Variants in PIK3C2G observed in about 807,000 individuals in gnomAD.
The protein encoded by PIK3C2G is phosphatidylinositol-4-phosphate 3-kinase catalytic subunit type 2 gamma.
A neutral mutation model predicts 181.1 loss-of-function variants in PIK3C2G; 168 were observed. The ratio of observed to expected loss-of-function variants is 0.93; its 90% CI spans 0.82 to 1.05. The LOEUF is 1.05. PIK3C2G is among the 50% of genes least tolerant of loss of function. PIK3C2G has a pLI of 0.00. For synonymous variants in PIK3C2G, 573 were observed against 592.2 expected, an observed-to-expected ratio of 0.97 and a Z score of 0.47; for missense variants, 1,869 against 1,732.8, an observed-to-expected ratio of 1.08 and a Z score of -1.40.
the PIK3C2G span, among the ~76,000 whole-genome samples, chr12:18,680,783 C>T: frequency 6.6e-6 from 1 of 151,972 alleles, no homozygotes; most frequent in Non-Finnish European, 1.5e-5. Context: ...AAAGGACTCA[C>T]TATTGGATTT....
At chr12:18,713,063 A>G in the PIK3C2G span, 1 of 1,554,916 alleles carries the variant, frequency 6.4e-7, no homozygotes, top group African/African-American at 1.4e-5. Context: ...AATATTCCAA[A>G]GACCATTTGA....
At chr12:18,641,282 A>G (rs535439507) in intron 32 of PIK3C2G, among the ~76,000 whole-genome samples, 354 of 152,094 alleles carry the variant, frequency 2.3e-3, no homozygotes, top group African/African-American at 8.0e-3. Context: ...CTTTCCCTTC[A>G]TCTCTCCCTT....
At chr12:18,613,677 G>A (rs911453605) in intron 31 of PIK3C2G, among the ~76,000 whole-genome samples, 6 of 151,858 alleles carry the variant, frequency 4.0e-5, no homozygotes, top group Non-Finnish European at 7.4e-5. Context: ...TTCCTCTACC[G>A]TCTCTTTCAT....
chr12:18,677,034 A>G, the PIK3C2G span, among the ~76,000 whole-genome samples: 447 of 152,238 alleles, frequency 2.9e-3, 4 homozygotes, highest in African/African-American at 9.9e-3. Context: ...CAATATAAAG[A>G]TGAATGAGAG....
At chr12:18,260,039 A>G (rs769752072), upstream of PIK3C2G, among the ~76,000 whole-genome samples, 26 of 152,286 alleles carry the variant, frequency 1.7e-4, no homozygotes, top group Non-Finnish European at 3.5e-4. Flanking sequence ...GAAACAAAGT[A>G]CAAGGTACAT....
At chr12:18,330,443 C>T (rs1360090318) in intron 8 of PIK3C2G, among the ~76,000 whole-genome samples, 2 of 152,160 alleles carry the variant, frequency 1.3e-5, no homozygotes, top group Admixed American at 6.6e-5. Context: ...TCTGCATCCT[C>T]ACCAACACCT....
chr12:18,522,308 T>C (rs1180189685), intron 24 of PIK3C2G, among the ~76,000 whole-genome samples: 1 of 152,262 alleles, frequency 6.6e-6, no homozygotes, highest in African/African-American at 2.4e-5. Context: ...TAGAGAATTC[T>C]GAGTATGGAT....
At chr12:18,365,286 A>C (rs1479011081) in intron 12 of PIK3C2G, among the ~76,000 whole-genome samples, 4 of 152,190 alleles carry the variant, frequency 2.6e-5, no homozygotes. Flanking sequence ...ATAAAATAAC[A>C]ACCTCTATTC....
the PIK3C2G span, among the ~76,000 whole-genome samples, chr12:18,718,946 T>C: frequency 3.3e-5 from 5 of 152,206 alleles, no homozygotes; most frequent in Non-Finnish European, 7.3e-5. Flanking sequence ...TTAATCTATG[T>C]AAACTCTTTA....
At chr12:18,616,937 T>G (rs1028920713) in intron 31 of PIK3C2G, among the ~76,000 whole-genome samples, 5 of 152,294 alleles carry the variant, frequency 3.3e-5, no homozygotes, top group African/African-American at 9.6e-5. Flanking sequence ...ATCCAGTAGT[T>G]AAAATACTTT....
the PIK3C2G span, among the ~76,000 whole-genome samples, chr12:18,663,687 G>T: frequency 6.6e-6 from 1 of 151,848 alleles, no homozygotes; most frequent in Non-Finnish European, 1.5e-5. Context: ...GTTGGATTTG[G>T]CAATGATTTG....
intron 13 of PIK3C2G, among the ~76,000 whole-genome samples, chr12:18,376,833 T>C (rs1942476133): frequency 6.6e-6 from 1 of 152,186 alleles, no homozygotes; most frequent in Non-Finnish European, 1.5e-5. Context: ...GCTCTCACCA[T>C]GTGAGACACC....
chr12:18,371,960 C>T (rs867119010), intron 13 of PIK3C2G, among the ~76,000 whole-genome samples: 138 of 152,142 alleles, frequency 9.1e-4, no homozygotes, highest in African/African-American at 3.2e-3. Context: ...GCTTCAGAAT[C>T]AAATGATAAA....
chr12:18,617,582 T>C (rs1948660544), intron 31 of PIK3C2G, among the ~76,000 whole-genome samples: 1 of 152,164 alleles, frequency 6.6e-6, no homozygotes, highest in Admixed American at 6.6e-5. Context: ...AGCCCTTATT[T>C]TTGATTCTAG....
intron 24 of PIK3C2G, among the ~76,000 whole-genome samples, chr12:18,518,926 T>C (rs981606460): frequency 1.3e-5 from 2 of 152,194 alleles, no homozygotes; most frequent in Non-Finnish European, 2.9e-5. Flanking sequence ...GATGCTGACA[T>C]GTTGTCTCTT....
intron 2 of PIK3C2G, among the ~76,000 whole-genome samples, chr12:18,283,907 C>A (rs1001715219): frequency 6.6e-6 from 1 of 152,112 alleles, no homozygotes; most frequent in Non-Finnish European, 1.5e-5. Flanking sequence ...GCCCTGTGAT[C>A]ATCTCAGTCT....
At chr12:18,414,628 C>A (rs1240224406) in intron 16 of PIK3C2G, among the ~76,000 whole-genome samples, 1 of 152,062 alleles carries the variant, frequency 6.6e-6, no homozygotes, top group African/African-American at 2.4e-5. Flanking sequence ...CATACACATA[C>A]ATATCTTCAC....
chr12:18,534,411 AAAT>A (rs1375841951), intron 24 of PIK3C2G, among the ~76,000 whole-genome samples: 1 of 152,064 alleles, frequency 6.6e-6, no homozygotes, highest in Non-Finnish European at 1.5e-5. Context: ...CTGCATTTAA[AAAT>A]AATAATAACT....
At chr12:18,501,633 G>C (rs967740949) in intron 22 of PIK3C2G, among the ~76,000 whole-genome samples, 1 of 152,198 alleles carries the variant, frequency 6.6e-6, no homozygotes, top group Non-Finnish European at 1.5e-5. Context: ...TTTAAATAGT[G>C]TATGATATAT....
Sources: allele counts gnomAD v4.1 joint callset (sites outside exome capture counted in the v4.1 genomes callset), GRCh38; gene constraint gnomAD v4.1.1; transcripts MANE v1.5; gene names NCBI Gene and HGNC (gene_info 2026-07-23, HGNC 2026-07-21).